MED13L: variants seen among roughly 807,000 people sequenced by gnomAD.
MED13L encodes mediator of RNA polymerase II transcription subunit 13-like.
In MED13L, 7 loss-of-function variants were observed where a neutral mutation model predicts 220.9. That is an observed-to-expected ratio of 0.03 (90% CI 0.02 to 0.06). The LOEUF (loss-of-function observed/expected upper bound fraction) is 0.06. MED13L is among the 10% of genes least tolerant of loss of function. The pLI, the probability that MED13L is intolerant of heterozygous loss-of-function variation, is 1.00. For missense variants in MED13L, 1,965 were observed against 2,760.5 expected (o/e 0.71, Z 6.46); for synonymous variants, 1,011 against 1,015.2 (o/e 1.00, Z 0.08).
chr12:116,025,149 T>C (rs1469015145), intron 4 of MED13L, among the ~76,000 whole-genome samples: 4 of 152,116 alleles, frequency 2.6e-5, no homozygotes, highest in African/African-American at 4.8e-5. Flanking sequence ...TGAGTAATCA[T>C]CAGGGAAAGG....
chr12:116,043,398 T>A (rs778956631), intron 4 of MED13L, among the ~76,000 whole-genome samples: 15 of 152,242 alleles, frequency 9.9e-5, no homozygotes, highest in Non-Finnish European at 1.9e-4. Context: ...AATCAATCAC[T>A]GACTCCTCTC....
chr12:116,191,585 C>T (rs915222613), intron 2 of MED13L, among the ~76,000 whole-genome samples: 1 of 152,126 alleles, frequency 6.6e-6, no homozygotes, highest in Non-Finnish European at 1.5e-5. Context: ...CCACCTCAGC[C>T]TCCCAAAGTG....
At chr12:116,080,409 T>C (rs542267397) in intron 4 of MED13L, among the ~76,000 whole-genome samples, 11 of 152,338 alleles carry the variant, frequency 7.2e-5, no homozygotes, top group South Asian at 4.1e-4. Context: ...GAGGACAGCT[T>C]GTCCTTTCAA....
intron 1 of MED13L, among the ~76,000 whole-genome samples, chr12:116,258,676 C>T (rs1872251450): frequency 6.6e-6 from 1 of 150,618 alleles, no homozygotes; most frequent in Admixed American, 6.7e-5. Context: ...ACTTAGGAGG[C>T]TGAGGCGGGA....
chr12:116,255,519 C>T (rs116666053), intron 1 of MED13L, among the ~76,000 whole-genome samples: 2 of 152,214 alleles, frequency 1.3e-5, no homozygotes, highest in South Asian at 2.1e-4. Context: ...AAAAGTAATA[C>T]TTGACTTAAT....
intron 4 of MED13L, among the ~76,000 whole-genome samples, chr12:116,061,450 G>A (rs564271160): frequency 6.6e-6 from 1 of 152,196 alleles, no homozygotes; most frequent in South Asian, 2.1e-4. Context: ...GCTGCCTTAA[G>A]TCAATTAACT....
chr12:116,260,183 C>A (rs990442438), intron 1 of MED13L, among the ~76,000 whole-genome samples: 2 of 152,176 alleles, frequency 1.3e-5, no homozygotes, highest in Non-Finnish European at 2.9e-5. Context: ...AAAGCCAACT[C>A]TTTACCTTCA....
At chr12:116,031,753 AAGAAAAGAAGGAAG>A (rs1880832506) in intron 4 of MED13L, among the ~76,000 whole-genome samples, 15 of 16,258 alleles carry the variant, frequency 9.2e-4, no homozygotes, top group Admixed American at 2.2e-3. Context: ...AAGAAAAGAA[AAGAAAAGAAGGAAG>A]GAAGGAAGGA....
At chr12:116,012,019 C>A (rs1879440395) in intron 9 of MED13L, among the ~76,000 whole-genome samples, 1 of 152,162 alleles carries the variant, frequency 6.6e-6, no homozygotes, top group African/African-American at 2.4e-5. Flanking sequence ...CTTATCTCAC[C>A]TGAACTTTTT....
At chr12:115,982,135 G>C in intron 22 of MED13L, 1 of 484,238 alleles carries the variant, frequency 2.1e-6, no homozygotes, top group Non-Finnish European at 3.7e-6. Context: ...TTCAGGTTAT[G>C]TGTGTAAGGT....
intron 4 of MED13L, among the ~76,000 whole-genome samples, chr12:116,067,219 ATATT>A (rs1870015041): frequency 6.6e-6 from 1 of 152,184 alleles, no homozygotes; most frequent in African/African-American, 2.4e-5. Flanking sequence ...TAATATTTGT[ATATT>A]TATTTTTCTA....
chr12:116,036,578 A>G (rs1407203591), intron 4 of MED13L, among the ~76,000 whole-genome samples: 1 of 152,232 alleles, frequency 6.6e-6, no homozygotes, highest in Non-Finnish European at 1.5e-5. Flanking sequence ...AAGTGTTTTG[A>G]TAACAGATTC....
chr12:116,232,461 CTTTAT>C (rs1263500458), intron 2 of MED13L, among the ~76,000 whole-genome samples: 2 of 152,134 alleles, frequency 1.3e-5, no homozygotes, highest in Admixed American at 6.5e-5. Context: ...AAATAATATG[CTTTAT>C]TTTAACTAGG....
chr12:116,116,800 A>C (rs1429214372), intron 2 of MED13L, among the ~76,000 whole-genome samples: 1 of 151,756 alleles, frequency 6.6e-6, no homozygotes, highest in Non-Finnish European at 1.5e-5. Flanking sequence ...TACCTGATGT[A>C]GGGGAAACAC....
chr12:116,250,579 TATGGTG>T (rs916528766), intron 1 of MED13L, among the ~76,000 whole-genome samples: 1 of 141,452 alleles, frequency 7.1e-6, no homozygotes, highest in African/African-American at 2.6e-5. Flanking sequence ...GCCTGACCAA[TATGGTG>T]AAACCCCGTC....
Position 116,019,848 on chromosome 12 carries a change from T to C in MED13L, c.750A>G (p.Lys250=). Residue 250 remains lysine, a synonymous_variant, in exon 6 of 31, where the codon AAA becomes AAG. Transcript: ENST00000281928. ...QYFYPMVLKK[K]EESKEEDELG... is the part of the protein sequence containing the mutation. ...ACTCGTCTTCCTCTTTCGATTCTTC[T>C]TTCTTTTTTAGCACCATCGGGTAGA... 6.2e-7 allele frequency: 1 copy of C among 1,614,020 alleles called. No homozygotes were observed. The highest frequency in any genetic ancestry group is 8.5e-7 in the Non-Finnish European group (1 of 1,179,968).
At chr12:116,185,688 CT>C (rs1220537811) in intron 2 of MED13L, among the ~76,000 whole-genome samples, 1 of 93,714 alleles carries the variant, frequency 1.1e-5, no homozygotes, top group Non-Finnish European at 2.3e-5. Context: ...CTTTTCTTTT[CT>C]TTTCTTTTCT....
At chr12:116,148,090 G>GAAAAAAAAAAAAAAAAAAAA (rs1565900359) in intron 2 of MED13L, among the ~76,000 whole-genome samples, 1 of 125,542 alleles carries the variant, frequency 8.0e-6, no homozygotes, top group Non-Finnish European at 1.7e-5. Context: ...GGGCGGGAGT[G>GAAAAAAAAAAAAAAAAAAAA]GAGGGGGGCG....
intron 4 of MED13L, among the ~76,000 whole-genome samples, chr12:116,042,811 G>A (rs1881615098): frequency 6.6e-6 from 1 of 152,082 alleles, no homozygotes; most frequent in African/African-American, 2.4e-5. Context: ...TAGCCTATGA[G>A]GTGGAATGAG....
Sources: allele counts gnomAD v4.1 joint callset (sites outside exome capture counted in the v4.1 genomes callset), GRCh38; gene constraint gnomAD v4.1.1; transcripts MANE v1.5; gene names NCBI Gene and HGNC (gene_info 2026-07-23, HGNC 2026-07-21).